MS4A12: variants seen among roughly 807,000 people sequenced by gnomAD.
MS4A12 encodes membrane spanning 4-domains A12, also known as membrane-spanning 4-domains subfamily A member 12.
Under a neutral mutation model 23.7 loss-of-function variants are expected in MS4A12, and 28 were observed. That is an observed-to-expected ratio of 1.18 (90% CI 0.88 to 1.62). The LOEUF is 1.62. MS4A12 is among the 40% of genes most tolerant of loss of function. MS4A12 has a pLI of 0.00. For missense variants in MS4A12, 342 were observed against 327.0 expected (o/e 1.05, Z -0.35); for synonymous variants, 108 against 110.1 (o/e 0.98, Z 0.12).
At chr11:60,505,799 G>A (rs1202955956) in intron 5 of MS4A12, among the ~76,000 whole-genome samples, 1 of 152,142 alleles carries the variant, frequency 6.6e-6, no homozygotes, top group Non-Finnish European at 1.5e-5. Flanking sequence ...GACCTCAGGA[G>A]ACAGAAGAAA....
intron 2 of MS4A12, chr11:60,497,897 A>C: frequency 4.0e-6 from 1 of 250,550 alleles, no homozygotes; most frequent in Non-Finnish European, 7.6e-6. Context: ...GGACAATCTC[A>C]ATCCCATCTC....
intron 1 of MS4A12, among the ~76,000 whole-genome samples, chr11:60,495,949 C>A (rs569192435): frequency 6.6e-6 from 1 of 152,296 alleles, no homozygotes; most frequent in South Asian, 2.1e-4. Context: ...AAACAAGCTG[C>A]AAATGTCCAG....
rs189027988 is a variant in MS4A12, at chr11:60,495,088, G to T, written c.-6-2225G>T. On this transcript the variant is annotated intron_variant, in intron 1 of 6. Coordinates refer to ENST00000016913, the MANE Select transcript of MS4A12 (RefSeq NM_017716.3). ...GCTCACTGCAAGCTCCACCTCCCGG[G>T]TTCACACCATTCTCCTGCCTCAGCC... Among the ~76,000 whole-genome samples the T allele has an allele frequency of 1.5e-3, 224 of 151,414 alleles. 1 individual carries two copies. Among genetic ancestry groups the T allele is most frequent in the African/African-American group, 5.4e-3 (221 of 41,248 alleles).
intron 1 of MS4A12, among the ~76,000 whole-genome samples, chr11:60,495,421 C>G (rs2086481224): frequency 6.6e-6 from 1 of 151,468 alleles, no homozygotes; most frequent in Non-Finnish European, 1.5e-5. Flanking sequence ...ATTAAATTCT[C>G]TCATTGTGAA....
In MS4A12 at chr11:60,497,452, G is replaced by T; in HGVS notation, c.134G>T (p.Gly45Val). The T allele has an allele frequency of 1.9e-6, 3 of 1,614,130 alleles. No homozygotes were observed. The highest frequency in any genetic ancestry group is 2.5e-6 in the Non-Finnish European group (3 of 1,180,030). The change falls in exon 2 of 7, where the codon GGT (glycine) becomes GTT (valine). Residue 45 changes from glycine to valine, a missense_variant. Physicochemically the swap from Gly to Val is moderately radical, Grantham distance 109. Transcript: ENST00000016913. ...ATCAACTTAGAAAACCAAGCTCAGG[G>T]TGCTCAGCGTGCTCAGCCCTACGGC... ...GSINLENQAQ[G>V]AQRAQPYGIT...
At position 60,506,841 on chromosome 11, in the gene MS4A12, G is replaced by A. The variant is rs912828593; in HGVS notation, c.699+3G>A. 1 of 1,609,324 alleles carries A rather than the reference G, an allele frequency of 6.2e-7. No homozygotes were observed. Among genetic ancestry groups the A allele is most frequent in the Non-Finnish European group, 8.5e-7 (1 of 1,175,584 alleles). On this transcript the variant is annotated splice_donor_region_variant and intron_variant, in intron 6 of 6. Coordinates refer to ENST00000016913, the MANE Select transcript of MS4A12 (RefSeq NM_017716.3). The stretch of plus-strand genomic sequence containing the variant: ...AAGCAAACACCACAACCAATATGGT[G>A]AGTTGGGTCTCTTCTTTGTAAAATA...
At position 60,497,483 on chromosome 11, in the gene MS4A12, A is replaced by C. The variant is rs143911504; in HGVS notation, c.165A>C (p.Thr55=). Reference sequence around the variant, plus strand: ...AGCGTGCTCAGCCCTACGGCATCACATCTCCGGGAATCTTTGCTAGCAGTC... The same window carrying C: ...AGCGTGCTCAGCCCTACGGCATCACCTCTCCGGGAATCTTTGCTAGCAGTC... The part of the protein sequence containing the change: ...GAQRAQPYGI[T]SPGIFASSQP... Residue 55 remains threonine (T), a synonymous_variant, in exon 2 of 7, where the codon ACA becomes ACC. Transcript: ENST00000016913. The C allele has an allele frequency of 6.2e-7, 1 of 1,614,186 alleles. No homozygotes were observed. The highest frequency in any genetic ancestry group is 8.5e-7 in the Non-Finnish European group (1 of 1,180,020).
At chr11:60,497,962 C>A (rs942059155) in intron 2 of MS4A12, 4 of 183,666 alleles carry the variant, frequency 2.2e-5, no homozygotes, top group Non-Finnish European at 3.4e-5. Context: ...TAACAATGAA[C>A]AATGATGGCT....
chr11:60,504,979 G>A (rs2086559583), intron 5 of MS4A12, among the ~76,000 whole-genome samples: 1 of 152,154 alleles, frequency 6.6e-6, no homozygotes, highest in South Asian at 2.1e-4. Context: ...AGAGTTTTAG[G>A]CCGGGAATTT....
chr11:60,506,614 G>C, intron 5 of MS4A12, 114 bp from the exon 6 acceptor site: 1 of 693,088 alleles, frequency 1.4e-6, no homozygotes, highest in South Asian at 1.9e-5. Context: ...GGAAGAATAA[G>C]CATGGAGCGA....
In MS4A12 at chr11:60,503,773, G is replaced by A; in HGVS notation, c.544G>A (p.Asp182Asn). The A allele has an allele frequency of 6.2e-7, 1 of 1,613,914 alleles. No individual in the cohort carries two copies. Among genetic ancestry groups the A allele is most frequent in the South Asian group, 1.1e-5 (1 of 91,046 alleles). The change falls in exon 5 of 7, where the codon GAT becomes AAT. Residue 182 changes from aspartate (D) to asparagine (N), a missense_variant. By Grantham distance (23) the Asp-to-Asn change is conservative. Transcript: ENST00000016913. ...AFIGVILLLVDMCINGVAGQD... is the reference protein window; with the variant it reads ...AFIGVILLLVNMCINGVAGQD... ...CATTGGAGTGATTCTGCTGCTGGTG[G>A]ATATGTGCATCAATGGGGTAGCTGG...
Position 60,497,600 on chromosome 11 carries a change from T to C in MS4A12, c.276+6T>C, listed in dbSNP as rs759533399. ...AAGAAGCAAAGGCACTAGGGGTAAGTCTATTTACTACCAGAATTTTAATTT... is the reference window on the plus strand; with the variant it reads ...AAGAAGCAAAGGCACTAGGGGTAAGCCTATTTACTACCAGAATTTTAATTT... On this transcript the variant is annotated splice_donor_region_variant and intron_variant, in intron 2 of 6. Coordinates refer to ENST00000016913, the MANE Select transcript of MS4A12 (RefSeq NM_017716.3). 6 of 1,613,322 alleles carry C rather than the reference T, an allele frequency of 3.7e-6. No homozygotes were observed. The South Asian group carries it at 5.5e-5, about 15-fold the overall frequency.
Position 60,503,629 on chromosome 11 carries a change from T to C in MS4A12, c.472-72T>C, listed in dbSNP as rs1364832843. 7 of 1,205,418 alleles carry C rather than the reference T, an allele frequency of 5.8e-6. No individual in the cohort carries two copies. The South Asian group carries it at 6.1e-5, about 11-fold the overall frequency. 74.7% of individuals were successfully genotyped at this position (1,205,418 alleles called of 1,614,324 possible). A position where few individuals can be genotyped will look rare whatever the true frequency, so the allele number is the denominator to read the frequency against. On this transcript the variant is annotated intron_variant, in intron 4 of 6. Transcript: ENST00000016913. The stretch of plus-strand genomic sequence containing the variant: ...GTTCAAAAATTAAGAACCATGAAAT[T>C]TGATTGATTCTTATCTCACTTAACT...
rs543031433 is a variant in MS4A12 at position 60,494,524 on chromosome 11, C to A, written c.-7+1696C>A. Among the ~76,000 whole-genome samples, 82 of 152,306 alleles carry A rather than the reference C, an allele frequency of 5.4e-4. No homozygotes were observed. The South Asian group carries it at 0.014, about 25-fold the overall frequency. On this transcript the variant is annotated intron_variant, in intron 1 of 6. Transcript: ENST00000016913. ...TGAGTACCCATCTCCTATTTCTTTGCTCTTGAAATTGACCCTGTTCAATTC... is the reference window on the plus strand; with the variant it reads ...TGAGTACCCATCTCCTATTTCTTTGATCTTGAAATTGACCCTGTTCAATTC...
chr11:60,494,431 G>A (rs951173618), intron 1 of MS4A12, among the ~76,000 whole-genome samples: 1 of 152,114 alleles, frequency 6.6e-6, no homozygotes, highest in Non-Finnish European at 1.5e-5. Flanking sequence ...CAGAAACGTG[G>A]ACAATTCTTT....
chr11:60,497,057 C>G (rs1458843101), intron 1 of MS4A12, among the ~76,000 whole-genome samples: 1 of 152,204 alleles, frequency 6.6e-6, no homozygotes, highest in East Asian at 1.9e-4. Context: ...GGAGGCAGAG[C>G]TCAGGCAGTA....
intron 4 of MS4A12, among the ~76,000 whole-genome samples, chr11:60,503,389 TG>T (rs1407502664): frequency 2.0e-5 from 3 of 152,240 alleles, no homozygotes; most frequent in Admixed American, 6.5e-5. Flanking sequence ...ATTAGAAGTT[TG>T]TTTTTTCATT....
chr11:60,496,888 C>T (rs1323885923), intron 1 of MS4A12, among the ~76,000 whole-genome samples: 1 of 152,176 alleles, frequency 6.6e-6, no homozygotes, highest in Admixed American at 6.5e-5. Flanking sequence ...GGCAGCATAG[C>T]ATCTCTCTAA....
At chr11:60,504,553 C>T (rs2086556913) in intron 5 of MS4A12, among the ~76,000 whole-genome samples, 1 of 152,144 alleles carries the variant, frequency 6.6e-6, no homozygotes, top group East Asian at 1.9e-4. Context: ...GTTGGTTTTG[C>T]TTTTGCTTTT....
Sources: allele counts gnomAD v4.1 joint callset (sites outside exome capture counted in the v4.1 genomes callset), GRCh38; gene constraint gnomAD v4.1.1; transcripts MANE v1.5; gene names NCBI Gene and HGNC (gene_info 2026-07-23, HGNC 2026-07-21).